The following CEP250 variants were observed in gnomAD, a reference collection of about 807,000 sequenced individuals.
The protein encoded by CEP250 is centrosome-associated protein CEP250.
In CEP250, 242 loss-of-function variants were observed where a neutral mutation model predicts 315.7. The ratio of observed to expected loss-of-function variants is 0.77; its 90% confidence interval spans 0.69 to 0.85. The LOEUF (loss-of-function observed/expected upper bound fraction) is 0.85. Among genes scored for constraint, CEP250 ranks in the 40% least tolerant of loss-of-function variants. The probability of loss-of-function intolerance (pLI) is 0.00; values close to 1 mark genes in which losing one functional copy is unlikely to be tolerated. For synonymous variants in CEP250, 1,088 were observed against 1,175.0 expected (o/e 0.93, Z 1.51); for missense variants, 2,515 against 2,886.4 (o/e 0.87, Z 2.95).
chr20:35,463,245 A>G (rs952131921), intron 4 of CEP250, among the ~76,000 whole-genome samples: 5 of 152,158 alleles, frequency 3.3e-5, no homozygotes, highest in Non-Finnish European at 7.4e-5. Context: ...TCTACTAAAA[A>G]TACAAAAATT....
At chr20:35,502,332 T>G in intron 29 of CEP250, 58 bp from the exon 30 acceptor site, 1 of 1,408,702 alleles carries the variant, frequency 7.1e-7, no homozygotes, top group African/African-American at 1.4e-5. Flanking sequence ...AGGGTCGGTG[T>G]TGGGGTGACA....
Position 35,493,474 on chromosome 20 carries a change from G to C in CEP250, c.2935G>C (p.Glu979Gln). 10 of 1,610,214 alleles carry C rather than the reference G, an allele frequency of 6.2e-6. No homozygotes were observed. The highest frequency in any genetic ancestry group is 8.5e-6 in the Non-Finnish European group (10 of 1,178,428). ...GACCCAGCTCCAGGAGGCTCAACGG[G>C]AGCTGAAGGAGGCAGCCCGGCAGCA... ...LQTQLQEAQR[E>Q]LKEAARQHRD... The change falls in exon 23 of 35, where the codon GAG becomes CAG. Residue 979 changes from glutamate to glutamine, a missense_variant. By Grantham distance (29) the Glu-to-Gln change is conservative. Coordinates refer to ENST00000397527, the MANE Select transcript of CEP250 (RefSeq NM_007186.6).
At chr20:35,494,119 AT>A (rs1334975583) in intron 23 of CEP250, among the ~76,000 whole-genome samples, 4 of 152,070 alleles carry the variant, frequency 2.6e-5, no homozygotes, top group African/African-American at 9.7e-5. Flanking sequence ...GGGACTACAG[AT>A]GTGTGCCATC....
At chr20:35,477,504 A>G (rs191069652) in intron 16 of CEP250, among the ~76,000 whole-genome samples, 1 of 152,374 alleles carries the variant, frequency 6.6e-6, no homozygotes, top group East Asian at 1.9e-4. Flanking sequence ...AATCACCAGA[A>G]AAGAATCTGC....
At chr20:35,498,136 A>C in intron 26 of CEP250, 69 bp downstream of exon 26, 1 of 1,172,916 alleles carries the variant, frequency 8.5e-7, no homozygotes, top group Non-Finnish European at 1.2e-6. Context: ...GGAAAGGGAG[A>C]GGAATGCTAT....
intron 8 of CEP250, 100 bp downstream of exon 8, chr20:35,467,172 G>A: frequency 1.0e-6 from 1 of 995,130 alleles, no homozygotes; most frequent in Non-Finnish European, 1.5e-6. Context: ...GGGGTGGGGT[G>A]GGTGGGGGAG....
Position 35,504,803 on chromosome 20 carries a change from A to G in CEP250, c.6434A>G (p.Glu2145Gly), listed in dbSNP as rs1290459950. Residue 2145 changes from glutamate (E) to glycine (G), a missense_variant, in exon 30 of 35, where the codon GAG (glutamate) becomes GGG (glycine). Glu to Gly is a moderately conservative substitution (Grantham distance 98, BLOSUM62 -2). Transcript: ENST00000397527. ...EEQSLKLDSLEPRLQRELERL... is the reference protein window; with the variant it reads ...EEQSLKLDSLGPRLQRELERL... The stretch of plus-strand genomic sequence containing the variant: ...CAATCTCTAAAACTTGATTCTTTAG[A>G]GCCCAGGCTGCAGCGGGAGCTGGAG... The G allele has an allele frequency of 2.5e-6, 4 of 1,614,226 alleles. No homozygotes were observed.
chr20:35,508,905 C>G, intron 32 of CEP250, 38 bp from the exon 33 acceptor site: 1 of 1,519,112 alleles, frequency 6.6e-7, no homozygotes, highest in South Asian at 1.2e-5. Context: ...AACCACAGAG[C>G]CAAGCCGAGC....
chr20:35,498,901 G>C (rs1474556057), intron 27 of CEP250, among the ~76,000 whole-genome samples, 185 bp downstream of exon 27: 1 of 152,186 alleles, frequency 6.6e-6, no homozygotes, highest in Non-Finnish European at 1.5e-5. Context: ...GTTTTCCCTT[G>C]CAGAGTAGGG....
chr20:35,466,621 A>G (rs1054633797), intron 7 of CEP250, among the ~76,000 whole-genome samples: 4 of 152,114 alleles, frequency 2.6e-5, no homozygotes, highest in Non-Finnish European at 5.9e-5. Context: ...AAGGAAACAA[A>G]TGTTTCCTGC....
chr20:35,462,622 A>C, intron 4 of CEP250, 69 bp downstream of exon 4: 1 of 1,379,344 alleles, frequency 7.2e-7, no homozygotes. Context: ...AGGTGAGATA[A>C]GGGTTGCAGG....
rs371053369 is a variant in CEP250, at chr20:35,501,915, A to G, written c.3969A>G (p.Ala1323=). 6.2e-7 allele frequency: 1 copy of G among 1,613,632 alleles called. No homozygotes were observed. The highest frequency in any genetic ancestry group is 8.5e-7 in the Non-Finnish European group (1 of 1,180,044). ...SELMELHETM[A]SLQSRLRRAE... The stretch of plus-strand genomic sequence containing the variant: ...TGATGGAACTACATGAAACTATGGC[A>G]TCCTTACAGAGTCGCCTGCGGAGAG... The change falls in exon 29 of 35, where the codon GCA becomes GCG. Residue 1323 remains alanine, a synonymous_variant. Transcript: ENST00000397527.
At position 35,511,755 on chromosome 20, in the gene CEP250, TC is replaced by T. The variant is rs576956799; in HGVS notation, c.*132del. ...CCAGGAGCCCCAGGTCGGCGGGTGT[TC>T]CCAGGAAGAGGAAGTAAATCTGCAA... On this transcript the variant is annotated 3_prime_UTR_variant, in exon 35 of 35. Transcript: ENST00000397527. 547 of 1,431,290 alleles carry T rather than the reference TC, an allele frequency of 3.8e-4. No individual in the cohort carries two copies. In the African/African-American group the frequency reaches 7.3e-3, roughly 19 times the overall value. The allele number at this position is 1,431,290 out of a possible 1,614,324, so 88.7% of individuals were successfully genotyped here.
intron 20 of CEP250, among the ~76,000 whole-genome samples, chr20:35,482,062 T>C (rs1056789793): frequency 3.3e-5 from 5 of 150,368 alleles, no homozygotes; most frequent in Non-Finnish European, 7.4e-5. Flanking sequence ...GATAGATAGA[T>C]AGATAGATAG....
At chr20:35,491,494 C>A (rs1601246265) in intron 22 of CEP250, 148 bp downstream of exon 22, 2 of 896,248 alleles carry the variant, frequency 2.2e-6, no homozygotes, top group East Asian at 5.5e-5. Context: ...ACAGGCTGGG[C>A]AGGGTAGATC....
chr20:35,496,795 C>G, intron 25 of CEP250, 80 bp downstream of exon 25: 1 of 1,484,398 alleles, frequency 6.7e-7, no homozygotes, highest in African/African-American at 1.4e-5. Context: ...GCTCTGAGTC[C>G]TCTCATGGAG....
rs781105474 is a variant in CEP250, at chr20:35,503,569, AAGG to A, written c.5203_5205del (p.Glu1735del). On this transcript the variant is annotated inframe_deletion, in exon 30 of 35. Transcript: ENST00000397527. The surrounding 1 kb of genome is among the most constrained non-coding windows in gnomAD (Gnocchi z 4.2). ...GCACATGAAGCTGATCCTGCGTGAT[AAGG>A]AGAAGGAGGTGGAATGTCAGCAGGA... 152 of 1,613,986 alleles carry A rather than the reference AAGG, an allele frequency of 9.4e-5. No homozygotes were observed. Among genetic ancestry groups the A allele is most frequent in the Non-Finnish European group, 1.2e-4 (140 of 1,180,026 alleles).
intron 32 of CEP250, 101 bp downstream of exon 32, chr20:35,508,291 G>A: frequency 7.9e-7 from 1 of 1,271,026 alleles, no homozygotes; most frequent in Non-Finnish European, 1.1e-6. Flanking sequence ...AATCCAGCCT[G>A]CTGCCTGTTT....
intron 3 of CEP250, among the ~76,000 whole-genome samples, chr20:35,460,344 G>A (rs1353304840): frequency 6.6e-6 from 1 of 152,168 alleles, no homozygotes; most frequent in African/African-American, 2.4e-5. Flanking sequence ...AGTAAGCCGA[G>A]TTTTCCTCTT....
Sources: gnomAD v4.1 joint callset for allele counts (sites outside exome capture counted in the v4.1 genomes callset) on GRCh38, gnomAD v4.1.1 for gene constraint, Gnocchi (gnomAD v3.1) non-coding constraint, MANE v1.5 for transcripts, NCBI Gene and HGNC (gene_info 2026-07-23, HGNC 2026-07-21) for gene names.